The following SH3KBP1 variants were observed in gnomAD, a reference collection of about 807,000 sequenced individuals.
The protein encoded by SH3KBP1 is SH3 domain-containing kinase-binding protein 1.
A neutral mutation model predicts 50.1 loss-of-function variants in SH3KBP1; 8 were observed. The observed-to-expected ratio is 0.16, with a 90% CI of 0.09 to 0.29. The LOEUF (loss-of-function observed/expected upper bound fraction) is 0.29. Ranked by LOEUF, SH3KBP1 falls within the 10% of genes least tolerant of loss-of-function variation. The probability of loss-of-function intolerance (pLI) is 1.00; values close to 1 mark genes in which losing one functional copy is unlikely to be tolerated. For synonymous variants in SH3KBP1, 227 were observed against 218.6 expected (o/e 1.04, Z -0.34); for missense variants, 377 against 535.2 (o/e 0.70, Z 2.92).
chrX:19,591,997 G>T, intron 11 of SH3KBP1, 70 bp downstream of exon 11: 1 of 867,965 alleles, frequency 1.2e-6, no homozygotes, highest in Non-Finnish European at 1.7e-6. Flanking sequence ...GGGTATTCTG[G>T]ACTAGCCGTG....
intron 12 of SH3KBP1, among the ~76,000 whole-genome samples, chrX:19,578,181 G>A (rs1185219580): frequency 9.0e-6 from 1 of 111,416 alleles, no homozygotes; most frequent in African/African-American, 3.3e-5. Context: ...ATAGCTTTTG[G>A]GGTACACGTG....
At chrX:19,847,141 G>C (rs2068385982) in intron 1 of SH3KBP1, among the ~76,000 whole-genome samples, 1 of 111,408 alleles carries the variant, frequency 9.0e-6, no homozygotes, top group African/African-American at 3.3e-5. Flanking sequence ...TTTCTCATAA[G>C]AGAGATAGCA....
chrX:19,584,811 C>T (rs2066509341), intron 12 of SH3KBP1, among the ~76,000 whole-genome samples: 1 of 112,126 alleles, frequency 8.9e-6, no homozygotes, highest in African/African-American at 3.2e-5. Flanking sequence ...GCAGCGTGAG[C>T]CCGGACGCTG....
At chrX:19,727,496 C>A (rs1276782324) in intron 3 of SH3KBP1, among the ~76,000 whole-genome samples, 1 of 112,389 alleles carries the variant, frequency 8.9e-6, no homozygotes, top group East Asian at 2.8e-4. Flanking sequence ...GTCATAATTT[C>A]TTTCCTTTTT....
At chrX:19,634,080 G>A (rs1434244786) in intron 7 of SH3KBP1, among the ~76,000 whole-genome samples, 1 of 94,757 alleles carries the variant, frequency 1.1e-5, no homozygotes, top group Non-Finnish European at 2.1e-5. Flanking sequence ...GTGTGTGTGT[G>A]TGTGTGTGTG....
At chrX:19,764,663 T>C (rs981506296) in intron 2 of SH3KBP1, among the ~76,000 whole-genome samples, 2 of 111,564 alleles carry the variant, frequency 1.8e-5, no homozygotes, top group African/African-American at 6.5e-5. Context: ...CGATGGTGCA[T>C]TATCATTAAA....
At chrX:19,551,475 C>T in intron 13 of SH3KBP1, among the ~76,000 whole-genome samples, 1 of 110,252 alleles carries the variant, frequency 9.1e-6, no homozygotes, top group Admixed American at 9.6e-5. Flanking sequence ...CTAAGCTGAC[C>T]CCTCTCAGGG....
intron 2 of SH3KBP1, among the ~76,000 whole-genome samples, chrX:19,824,095 C>T (rs1335571062): frequency 8.9e-6 from 1 of 111,764 alleles, no homozygotes; most frequent in Non-Finnish European, 1.9e-5. Flanking sequence ...CCTGGGATTA[C>T]AGGTGTTAGC....
chrX:19,617,045 T>C (rs972777979), intron 8 of SH3KBP1, among the ~76,000 whole-genome samples: 150 of 112,259 alleles, frequency 1.3e-3, no homozygotes, highest in African/African-American at 4.6e-3. Context: ...CTTTTGCAGT[T>C]CCCTGCCCTG....
intron 1 of SH3KBP1, among the ~76,000 whole-genome samples, chrX:19,884,832 C>G (rs1412492685): frequency 1.1e-4 from 12 of 111,907 alleles, no homozygotes. Context: ...CTAGCAAGTT[C>G]AGAGGGCACA....
intron 9 of SH3KBP1, among the ~76,000 whole-genome samples, chrX:19,600,120 A>AT (rs1232177489): frequency 1.9e-5 from 2 of 105,670 alleles, no homozygotes; most frequent in African/African-American, 7.0e-5. Flanking sequence ...AAAAAAAAAA[A>AT]TGCAACAGGC....
chrX:19,749,815 A>C (rs2065013810), intron 2 of SH3KBP1, among the ~76,000 whole-genome samples: 2 of 112,623 alleles, frequency 1.8e-5, no homozygotes, highest in African/African-American at 6.5e-5. Flanking sequence ...GGTAAATTTT[A>C]TGTTACATAT....
rs773551080 is a variant in SH3KBP1, at chrX:19,868,181, C to T, written c.4+19126G>A. On this transcript the variant is annotated intron_variant, in intron 1 of 17. Coordinates refer to ENST00000397821, the MANE Select transcript of SH3KBP1 (RefSeq NM_031892.3). ...GGCTTTTGTTATTGTTTATTTGTAA[C>T]ACATCTGGGCCCCTACTGTGCGCCG... Among the ~76,000 whole-genome samples the T allele has an allele frequency of 2.7e-5, 3 of 111,994 alleles. No individual in the cohort carries two copies. In the East Asian group the frequency reaches 8.5e-4, roughly 32 times the overall value.
chrX:19,622,400 T>C (rs957931431), intron 8 of SH3KBP1, among the ~76,000 whole-genome samples: 1 of 112,459 alleles, frequency 8.9e-6, no homozygotes, highest in African/African-American at 3.2e-5. Flanking sequence ...TCTTTCAGGA[T>C]GTATCCTCAA....
chrX:19,843,693 C>T, intron 1 of SH3KBP1, among the ~76,000 whole-genome samples: 1 of 111,661 alleles, frequency 9.0e-6, no homozygotes, highest in Non-Finnish European at 1.9e-5. Flanking sequence ...AGGCAGCACA[C>T]CTGTGGCTGG....
chrX:19,736,914 T>C (rs747614537), intron 3 of SH3KBP1, among the ~76,000 whole-genome samples: 1 of 107,206 alleles, frequency 9.3e-6, no homozygotes, highest in East Asian at 2.9e-4. Flanking sequence ...TACTTTTTTT[T>C]TTTTTTTTTT....
chrX:19,541,967 C>T lies in SH3KBP1; in HGVS notation c.1850G>A (p.Arg617His), dbSNP rs143279224. Reference protein sequence around the residue: ...AAVEELRTQVRELRSIIETMK... With the variant: ...AAVEELRTQVHELRSIIETMK... ...GGTCTCGATGATGCTCCTCAGCTCG[C>T]GGACCTGTGTCCTTAGCTCCTCCAC... Residue 617 changes from arginine (R) to histidine (H), a missense_variant, in exon 16 of 18, where the codon CGC becomes CAC. Physicochemically the swap from Arg to His is conservative, Grantham distance 29. Coordinates refer to ENST00000397821, the MANE Select transcript of SH3KBP1 (RefSeq NM_031892.3). 77 of 1,209,603 alleles carry T rather than the reference C, an allele frequency of 6.4e-5. No individual in the cohort carries two copies. Among genetic ancestry groups the T allele is most frequent in the East Asian group, 8.9e-5 (3 of 33,751 alleles).
intron 6 of SH3KBP1, among the ~76,000 whole-genome samples, chrX:19,680,380 CA>C (rs763413288): frequency 0.043 from 1,642 of 37,771 alleles, 29 homozygotes; most frequent in African/African-American, 0.12. Flanking sequence ...ACTCTTGTTT[CA>C]AAAAAAAAAA....
chrX:19,712,777 C>A (rs1476261210), intron 3 of SH3KBP1, among the ~76,000 whole-genome samples: 2 of 111,620 alleles, frequency 1.8e-5, no homozygotes, highest in Non-Finnish European at 3.8e-5. Context: ...CATCACGTGC[C>A]TCCTGATAGG....
Sources: allele counts gnomAD v4.1 joint callset (sites outside exome capture counted in the v4.1 genomes callset), GRCh38; gene constraint gnomAD v4.1.1; transcripts MANE v1.5; gene names NCBI Gene and HGNC (gene_info 2026-07-23, HGNC 2026-07-21).